The following CHM variants were observed in gnomAD, a reference collection of about 807,000 sequenced individuals.
CHM encodes the protein rab proteins geranylgeranyltransferase component A 1.
In CHM, 10 loss-of-function variants were observed where a neutral mutation model predicts 49.0. That is an observed-to-expected ratio of 0.20 (90% CI 0.13 to 0.35). The LOEUF is 0.35. Ranked by LOEUF, CHM falls within the 10% of genes least tolerant of loss-of-function variation. The pLI is 1.00. For missense variants in CHM, 455 were observed against 478.4 expected (o/e 0.95, Z 0.46); for synonymous variants, 184 against 167.5 (o/e 1.10, Z -0.76).
At chrX:86,010,876 G>A (rs1933044948) in intron 2 of CHM, among the ~76,000 whole-genome samples, 1 of 111,705 alleles carries the variant, frequency 9.0e-6, no homozygotes, top group Admixed American at 9.5e-5. Flanking sequence ...GTCCTGCTGT[G>A]ATCTGTCCAT....
intron 8 of CHM, among the ~76,000 whole-genome samples, chrX:85,924,912 C>G (rs1335875635): frequency 1.8e-5 from 2 of 111,732 alleles, no homozygotes; most frequent in Non-Finnish European, 3.8e-5. Flanking sequence ...AAAGTGCCTC[C>G]TTTTTATAAA....
intron 4 of CHM, among the ~76,000 whole-genome samples, chrX:85,975,651 T>C (rs1461731206): frequency 8.9e-6 from 1 of 112,209 alleles, no homozygotes; most frequent in Admixed American, 9.4e-5. Context: ...GAGTTATGAA[T>C]GGTAGGGGTG....
At chrX:86,013,055 T>C in intron 2 of CHM, among the ~76,000 whole-genome samples, 1 of 111,527 alleles carries the variant, frequency 9.0e-6, no homozygotes, top group Non-Finnish European at 1.9e-5. Context: ...AGCCTTTCTT[T>C]GCATACTCAG....
intron 10 of CHM, 78 bp downstream of exon 10, chrX:85,901,006 A>C (rs1926240143): frequency 1.5e-6 from 1 of 685,998 alleles, no homozygotes; most frequent in African/African-American, 2.2e-5. Context: ...ATTTATTTGC[A>C]TGTTACTTGA....
intron 1 of CHM, among the ~76,000 whole-genome samples, chrX:86,037,897 T>G (rs1343264074): frequency 9.0e-6 from 1 of 111,005 alleles, no homozygotes; most frequent in Non-Finnish European, 1.9e-5. Context: ...AACAAAAGAA[T>G]AGTCAACCAA....
At chrX:85,981,151 T>C (rs1193407598) in intron 3 of CHM, among the ~76,000 whole-genome samples, 1 of 105,415 alleles carries the variant, frequency 9.5e-6, no homozygotes, top group Non-Finnish European at 1.9e-5. Flanking sequence ...ACATAAATAA[T>C]TAGGAAATAG....
At chrX:86,011,283 G>A (rs970093876) in intron 2 of CHM, among the ~76,000 whole-genome samples, 1 of 111,314 alleles carries the variant, frequency 9.0e-6, no homozygotes, top group East Asian at 2.8e-4. Context: ...ATACTACCGG[G>A]ATTATCAAAT....
chrX:85,989,200 C>T (rs1367468697), intron 2 of CHM, among the ~76,000 whole-genome samples: 4 of 111,209 alleles, frequency 3.6e-5, no homozygotes, highest in Non-Finnish European at 7.6e-5. Context: ...GGTTGCCCAC[C>T]TATGACCACC....
At chrX:86,022,254 T>A (rs1315046349) in intron 2 of CHM, among the ~76,000 whole-genome samples, 2 of 111,945 alleles carry the variant, frequency 1.8e-5, no homozygotes, top group East Asian at 5.6e-4. Flanking sequence ...CACAGATATA[T>A]GGTATAATTT....
chrX:85,911,152 T>C (rs374623000), intron 9 of CHM, 109 bp downstream of exon 9: 1 of 4,314 alleles, frequency 2.3e-4, no homozygotes, highest in East Asian at 0.029. Context: ...TATATATATA[T>C]ATATATATAT....
At chrX:85,988,878 T>C (rs776940627) in intron 2 of CHM, among the ~76,000 whole-genome samples, 2 of 111,994 alleles carry the variant, frequency 1.8e-5, no homozygotes, top group East Asian at 5.6e-4. Context: ...AAACATCCCA[T>C]GCTCATGAAT....
chrX:85,915,678 G>A (rs374882749), intron 8 of CHM, among the ~76,000 whole-genome samples: 27 of 111,549 alleles, frequency 2.4e-4, no homozygotes, highest in African/African-American at 8.8e-4. Context: ...AGGAAAATCA[G>A]GAAAGACCAC....
At chrX:86,033,309 C>T (rs1345103199) in intron 1 of CHM, among the ~76,000 whole-genome samples, 1 of 111,848 alleles carries the variant, frequency 8.9e-6, no homozygotes, top group African/African-American at 3.2e-5. Context: ...CCTGGCAAAG[C>T]CCAAGTACTT....
chrX:85,893,959 A>C (rs1925649002), intron 12 of CHM, among the ~76,000 whole-genome samples: 1 of 112,259 alleles, frequency 8.9e-6, no homozygotes, highest in Non-Finnish European at 1.9e-5. Context: ...AAATTCCTTA[A>C]CTGGAGAACT....
intron 2 of CHM, among the ~76,000 whole-genome samples, chrX:86,024,725 C>A (rs1175152836): frequency 8.9e-6 from 1 of 111,951 alleles, no homozygotes; most frequent in East Asian, 2.8e-4. Context: ...TATCATAGTA[C>A]CTAGAAGAGA....
chrX:86,022,033 T>A (rs1261905228), intron 2 of CHM, among the ~76,000 whole-genome samples: 1 of 111,327 alleles, frequency 9.0e-6, no homozygotes, highest in Non-Finnish European at 1.9e-5. Flanking sequence ...GGAAGAGCAG[T>A]AGAAAATAGG....
Position 85,996,113 on chromosome X carries a change from G to A in CHM, c.117-14304C>T, listed in dbSNP as rs779292869. 3.5e-3 allele frequency among the ~76,000 whole-genome samples: 387 copies of A among 111,846 alleles called. 1 individual carries two copies. Among genetic ancestry groups the A allele is most frequent in the African/African-American group, 0.012 (361 of 30,841 alleles). ...TATGATTATTTTGGTAGAAGAGAAA[G>A]AGCCATTTTATTTTACTTTTGCTGT... On this transcript the variant is annotated intron_variant, in intron 2 of 14. Coordinates refer to ENST00000357749, the MANE Select transcript of CHM (RefSeq NM_000390.4).
intron 8 of CHM, among the ~76,000 whole-genome samples, chrX:85,931,325 A>T: frequency 9.0e-6 from 1 of 111,191 alleles, no homozygotes; most frequent in Non-Finnish European, 1.9e-5. Flanking sequence ...GCAAAAAAAT[A>T]AACAGAACGC....
rs1459176324 is a variant in CHM, at chrX:85,978,757, C to T, written c.314+10G>A. On this transcript the variant is annotated intron_variant, in intron 4 of 14. Transcript: ENST00000357749. ...TAATTTAGTTTACCTGCAGTAAATACTTTTCATACCTGGCATAACAAAATA... is the reference window on the plus strand; with the variant it reads ...TAATTTAGTTTACCTGCAGTAAATATTTTTCATACCTGGCATAACAAAATA... 2 of 1,197,365 alleles carry T rather than the reference C, an allele frequency of 1.7e-6. No homozygotes were observed. The highest frequency in any genetic ancestry group is 3.0e-5 in the East Asian group (1 of 33,065).
Sources: gnomAD v4.1 joint callset for allele counts (sites outside exome capture counted in the v4.1 genomes callset) on GRCh38, gnomAD v4.1.1 for gene constraint, MANE v1.5 for transcripts, NCBI Gene and HGNC (gene_info 2026-07-23, HGNC 2026-07-21) for gene names.